Variants in GIGYF2 observed in about 807,000 individuals in gnomAD.
GIGYF2 encodes the protein GRB10-interacting GYF protein 2.
Under a neutral mutation model 208.1 loss-of-function variants are expected in GIGYF2, and 25 were observed. The ratio of observed to expected loss-of-function variants is 0.12; its 90% confidence interval spans 0.09 to 0.17. The LOEUF (loss-of-function observed/expected upper bound fraction) is 0.17. Among genes scored for constraint, GIGYF2 ranks in the 10% least tolerant of loss-of-function variants. GIGYF2 has a pLI of 1.00. For synonymous variants in GIGYF2, 534 were observed against 543.8 expected (o/e 0.98, Z 0.25); for missense variants, 1,302 against 1,579.4 (o/e 0.82, Z 2.98).
intron 8 of GIGYF2, among the ~76,000 whole-genome samples, chr2:232,763,345 T>TG (rs1574849179): frequency 1.3e-5 from 2 of 152,132 alleles, no homozygotes; most frequent in East Asian, 3.9e-4. Flanking sequence ...CCTTTATTTG[T>TG]GGGAGATACA....
rs907186492 is a variant in GIGYF2 at position 232,806,736 on chromosome 2, T to C, written c.1806+79T>C. On this transcript the variant is annotated intron_variant, in intron 15 of 28. Transcript: ENST00000373563. The surrounding 1 kb of genome is among the most constrained non-coding windows in gnomAD (Gnocchi z 4.0). ...TCTCTTTGAAAACACAACCCAAATA[T>C]ATCATCTAATGAAGGAATTGTAGTT... 5.3e-6 allele frequency: 5 copies of C among 948,082 alleles called. No homozygotes were observed. The African/African-American group carries it at 8.0e-5, about 15-fold the overall frequency. The allele number at this position is 948,082 out of a possible 1,614,324, so 58.7% of individuals were successfully genotyped here.
intron 19 of GIGYF2, among the ~76,000 whole-genome samples, chr2:232,816,214 A>G (rs144039545): frequency 8.7e-4 from 133 of 152,306 alleles, no homozygotes; most frequent in South Asian, 1.7e-3. Flanking sequence ...GGAAGAGCTA[A>G]ATCTTGAATT....
At chr2:232,732,400 C>T (rs1172246752) in intron 2 of GIGYF2, among the ~76,000 whole-genome samples, 1 of 152,074 alleles carries the variant, frequency 6.6e-6, no homozygotes, top group African/African-American at 2.4e-5. Context: ...CACTAATACT[C>T]CATGGCTGTA....
At chr2:232,803,526 T>C (rs1700461870) in intron 14 of GIGYF2, among the ~76,000 whole-genome samples, 1 of 152,156 alleles carries the variant, frequency 6.6e-6, no homozygotes, top group South Asian at 2.1e-4. Context: ...AGTTGTTTTT[T>C]GTTGTTGTTT....
intron 26 of GIGYF2, 114 bp downstream of exon 26, chr2:232,846,000 A>C (rs1574950366): frequency 9.5e-6 from 7 of 740,640 alleles, no homozygotes. Flanking sequence ...AAGGAGGTCA[A>C]CTGCTGCACC....
intron 8 of GIGYF2, chr2:232,776,289 G>A (rs1185788847): frequency 1.9e-6 from 1 of 514,184 alleles, no homozygotes; most frequent in Non-Finnish European, 3.5e-6. Flanking sequence ...AGATTTAAGG[G>A]AAAAGAATAT....
intron 23 of GIGYF2, among the ~76,000 whole-genome samples, chr2:232,841,140 T>C (rs1701802082): frequency 6.6e-6 from 1 of 152,050 alleles, no homozygotes; most frequent in South Asian, 2.1e-4. Flanking sequence ...AACAAATGGA[T>C]GCAGAACAGA....
chr2:232,715,857 C>T (rs1475315616), intron 2 of GIGYF2, among the ~76,000 whole-genome samples: 3 of 146,768 alleles, frequency 2.0e-5, no homozygotes, highest in African/African-American at 7.6e-5. Flanking sequence ...TCGTCTTAAA[C>T]CAAGTTAAAG....
intron 12 of GIGYF2, among the ~76,000 whole-genome samples, chr2:232,793,594 G>C (rs1198124963): frequency 2.6e-5 from 4 of 152,176 alleles, no homozygotes. Flanking sequence ...GTTAAGTGGA[G>C]ATGGCGAGAG....
chr2:232,783,424 G>A (rs1699786515), intron 8 of GIGYF2, among the ~76,000 whole-genome samples: 1 of 150,668 alleles, frequency 6.6e-6, no homozygotes. Flanking sequence ...TTTGGCTCCA[G>A]TTCTTATCTA....
chr2:232,782,930 G>A (rs1699768805), intron 8 of GIGYF2, among the ~76,000 whole-genome samples: 1 of 152,162 alleles, frequency 6.6e-6, no homozygotes, highest in Admixed American at 6.5e-5. Context: ...AATCTAGGTG[G>A]TAGTTAAATT....
chr2:232,739,778 T>C (rs1011841446), intron 3 of GIGYF2, among the ~76,000 whole-genome samples: 1 of 151,840 alleles, frequency 6.6e-6, no homozygotes, highest in Non-Finnish European at 1.5e-5. Context: ...CTATCGTATA[T>C]GCAAATGTAT....
At chr2:232,794,533 AC>A (rs1454628249) in intron 12 of GIGYF2, among the ~76,000 whole-genome samples, 1 of 152,050 alleles carries the variant, frequency 6.6e-6, no homozygotes, top group Non-Finnish European at 1.5e-5. Flanking sequence ...CCTTTTAGAT[AC>A]CTTTTAACTC....
intron 18 of GIGYF2, among the ~76,000 whole-genome samples, chr2:232,813,638 A>T (rs1700810592): frequency 6.6e-6 from 1 of 152,080 alleles, no homozygotes; most frequent in Admixed American, 6.6e-5. Context: ...GTTTTTCTAG[A>T]GCTGTTGAGC....
At chr2:232,756,544 G>C (rs923401760) in intron 6 of GIGYF2, among the ~76,000 whole-genome samples, 31 of 152,164 alleles carry the variant, frequency 2.0e-4, no homozygotes, top group African/African-American at 7.2e-5. Flanking sequence ...AATTCTAGCT[G>C]TACAGATTTG....
chr2:232,840,119 T>G, intron 23 of GIGYF2, 148 bp downstream of exon 23: 1 of 838,986 alleles, frequency 1.2e-6, no homozygotes, highest in East Asian at 2.7e-5. Context: ...AGCCCATAAT[T>G]TGGTTACCCT....
chr2:232,699,872 C>T (rs545554720), intron 1 of GIGYF2, among the ~76,000 whole-genome samples: 5 of 152,326 alleles, frequency 3.3e-5, no homozygotes, highest in African/African-American at 9.6e-5. Flanking sequence ...ACATTTTACA[C>T]GTGTAGAACT....
chr2:232,818,948 A>G (rs1016624072), intron 20 of GIGYF2, among the ~76,000 whole-genome samples: 1 of 152,066 alleles, frequency 6.6e-6, no homozygotes, highest in East Asian at 1.9e-4. Flanking sequence ...CCAGCGAGGT[A>G]TATACTTTTA....
At chr2:232,751,104 G>A (rs1698323019) in intron 5 of GIGYF2, among the ~76,000 whole-genome samples, 2 of 152,192 alleles carry the variant, frequency 1.3e-5, no homozygotes, top group African/African-American at 4.8e-5. Flanking sequence ...TGGGCTTACA[G>A]GCATGATCCA....
Sources: gnomAD v4.1 joint callset for allele counts (sites outside exome capture counted in the v4.1 genomes callset) on GRCh38, gnomAD v4.1.1 for gene constraint, Gnocchi (gnomAD v3.1) non-coding constraint, MANE v1.5 for transcripts, NCBI Gene and HGNC (gene_info 2026-07-23, HGNC 2026-07-21) for gene names.